Variants in GCFC2 observed in about 807,000 individuals in gnomAD.
GCFC2 encodes the protein GC-rich sequence DNA-binding factor 2, also known as intron Large complex component GCFC2.
Under a neutral mutation model 99.4 loss-of-function variants are expected in GCFC2, and 102 were observed. The ratio of observed to expected loss-of-function variants is 1.03; its 90% confidence interval spans 0.87 to 1.21. The LOEUF (loss-of-function observed/expected upper bound fraction) is 1.21. Among genes scored for constraint, GCFC2 ranks in the 50% most tolerant of loss-of-function variants. The pLI is 0.00. For missense variants in GCFC2, 973 were observed against 920.9 expected (o/e 1.06, Z -0.73); for synonymous variants, 338 against 316.8 (o/e 1.07, Z -0.71).
intron 11 of GCFC2, among the ~76,000 whole-genome samples, chr2:75,685,645 G>A (rs1052033390): frequency 1.3e-5 from 2 of 151,720 alleles, no homozygotes; most frequent in African/African-American, 2.4e-5. Flanking sequence ...TTCTCTTTTC[G>A]GTTTATATTC....
At chr2:75,711,700 G>T (rs532496914), upstream of GCFC2, among the ~76,000 whole-genome samples, 1 of 152,368 alleles carries the variant, frequency 6.6e-6, no homozygotes, top group African/African-American at 2.4e-5. Flanking sequence ...CCCGGGCAGT[G>T]AGGGACTTGG....
chr2:75,675,474 G>A (rs1679291532), intron 12 of GCFC2, among the ~76,000 whole-genome samples: 2 of 152,112 alleles, frequency 1.3e-5, no homozygotes, highest in African/African-American at 2.4e-5. Context: ...CGGTTGCCGT[G>A]GCTCATGCCT....
chr2:75,692,093 T>C lies in GCFC2; in HGVS notation c.1028A>G (p.Asn343Ser), dbSNP rs139346154. The change falls in exon 7 of 17, where the codon AAC becomes AGC. Residue 343 changes from asparagine to serine, a missense_variant. Physicochemically the swap from Asn to Ser is conservative, Grantham distance 46. Transcript: ENST00000321027. ...LIDCLNEKIINIQEIESSMHA... is the reference protein window; with the variant it reads ...LIDCLNEKIISIQEIESSMHA... ...CATGGATGATTCTATTTCTTGGATG[T>C]TGATAATCTGAAATACACATATAAG... 9 of 1,474,362 alleles carry C rather than the reference T, an allele frequency of 6.1e-6. No homozygotes were observed. In the Middle Eastern group the frequency reaches 5.5e-4, roughly 90 times the overall value. The allele number at this position is 1,474,362 out of a possible 1,614,324, so 91.3% of individuals were successfully genotyped here. A position where few individuals can be genotyped will look rare whatever the true frequency, so the allele number is the denominator to read the frequency against.
intron 11 of GCFC2, 90 bp from the exon 12 acceptor site, chr2:75,680,404 C>A: frequency 1.0e-6 from 1 of 976,182 alleles, no homozygotes; most frequent in South Asian, 1.7e-5. Context: ...ACAAACACTA[C>A]TTCCCTCCTT....
At chr2:75,666,733 T>A (rs1678853323) in intron 15 of GCFC2, among the ~76,000 whole-genome samples, 1 of 151,012 alleles carries the variant, frequency 6.6e-6, no homozygotes, top group Non-Finnish European at 1.5e-5. Flanking sequence ...AAAAACTTCC[T>A]CATAGCAGAA....
rs1281105268 is a variant in GCFC2 at position 75,670,234 on chromosome 2, C to A, written c.2007G>T (p.Leu669Phe). The change falls in exon 15 of 17, where the codon TTG (leucine) becomes TTT (phenylalanine). Residue 669 changes from leucine (L) to phenylalanine (F), a missense_variant. Leu to Phe is a conservative substitution (Grantham distance 22, BLOSUM62 0). Transcript: ENST00000321027. The stretch of plus-strand genomic sequence containing the variant: ...GCAGCTTCCCTAGTCCTAGTTCTTG[C>A]AAGGTGTCATCTGTAAGGAGTCCAT... ...LWNGLLTDDT[L>F]QELGLGKLLN... 3 of 1,606,912 alleles carry A rather than the reference C, an allele frequency of 1.9e-6. No homozygotes were observed. The highest frequency in any genetic ancestry group is 2.6e-6 in the Non-Finnish European group (3 of 1,173,646).
chr2:75,673,629 C>G (rs1679221937), intron 12 of GCFC2, 109 bp from the exon 13 acceptor site: 1 of 632,218 alleles, frequency 1.6e-6, no homozygotes, highest in African/African-American at 1.9e-5. Context: ...ACATAACCAG[C>G]TGTTAAAATA....
intron 12 of GCFC2, among the ~76,000 whole-genome samples, chr2:75,676,293 T>C (rs921354464): frequency 1.3e-5 from 2 of 152,190 alleles, no homozygotes; most frequent in African/African-American, 4.8e-5. Flanking sequence ...CATTATCTCC[T>C]GAGGCTGCCC....
upstream of GCFC2, among the ~76,000 whole-genome samples, chr2:75,712,868 T>G (rs897282959): frequency 6.6e-6 from 1 of 152,140 alleles, no homozygotes; most frequent in African/African-American, 2.4e-5. Context: ...AACCCACCAA[T>G]TCCGGACACA....
At chr2:75,674,664 TAGAGTA>T (rs552993379) in intron 12 of GCFC2, among the ~76,000 whole-genome samples, 16 of 152,144 alleles carry the variant, frequency 1.1e-4, no homozygotes, top group South Asian at 2.1e-4. Flanking sequence ...TACTACACAT[TAGAGTA>T]AAAGTTAATT....
chr2:75,678,995 G>A (rs1679459471), intron 12 of GCFC2, among the ~76,000 whole-genome samples: 1 of 152,168 alleles, frequency 6.6e-6, no homozygotes, highest in African/African-American at 2.4e-5. Context: ...CATACCTGGC[G>A]ATCACCCATT....
chr2:75,687,542 G>A (rs1461092225), intron 11 of GCFC2, among the ~76,000 whole-genome samples: 1 of 152,148 alleles, frequency 6.6e-6, no homozygotes, highest in Non-Finnish European at 1.5e-5. Flanking sequence ...GCCAAGTAAA[G>A]ACAGTGTTTC....
At chr2:75,669,245 A>T (rs1030239809) in intron 15 of GCFC2, among the ~76,000 whole-genome samples, 13 of 152,308 alleles carry the variant, frequency 8.5e-5, no homozygotes, top group Non-Finnish European at 1.6e-4. Flanking sequence ...GTTACATGTT[A>T]ACAACTTTTT....
chr2:75,710,608 CG>C lies in GCFC2; in HGVS notation c.247del (p.Arg83AlafsTer88). ...CTGGACACCTGAGCCTTCGTCCGCG[CG>C]GGGAGCCGCTTTGGTGGCACGCCGG... is the stretch of plus-strand genomic sequence containing the variant. ...SSRRATKAAP[R>X]ADEGSESRTL... On this transcript the variant is annotated frameshift_variant, in exon 1 of 17. Coordinates refer to ENST00000321027, the MANE Select transcript of GCFC2 (RefSeq NM_003203.5). LOFTEE classifies it high-confidence loss of function. 6.6e-7 allele frequency: 1 copy of C among 1,514,390 alleles called. No individual in the cohort carries two copies. The highest frequency in any genetic ancestry group is 8.8e-7 in the Non-Finnish European group (1 of 1,138,282). The allele number at this position is 1,514,390 out of a possible 1,614,324, so 93.8% of individuals were successfully genotyped here.
chr2:75,692,134 C>A, intron 6 of GCFC2, 34 bp from the exon 7 acceptor site: 1 of 999,960 alleles, frequency 1.0e-6, no homozygotes, highest in South Asian at 2.2e-5. Context: ...TTTTGCAGGT[C>A]ATCGATAATG....
At chr2:75,697,166 A>G (rs1680365157) in intron 4 of GCFC2, among the ~76,000 whole-genome samples, 1 of 152,218 alleles carries the variant, frequency 6.6e-6, no homozygotes, top group Non-Finnish European at 1.5e-5. Flanking sequence ...TATGTTTCAC[A>G]TTAGTGTCCT....
intron 10 of GCFC2, among the ~76,000 whole-genome samples, chr2:75,688,778 TTAA>T (rs1206495259): frequency 1.0e-4 from 15 of 149,002 alleles, no homozygotes; most frequent in African/African-American, 2.9e-4. Context: ...GATTTTAAAT[TTAA>T]TGTACAAGAA....
chr2:75,705,225 A>C (rs1680790546), intron 2 of GCFC2, among the ~76,000 whole-genome samples: 1 of 152,132 alleles, frequency 6.6e-6, no homozygotes, highest in Non-Finnish European at 1.5e-5. Context: ...TCAGTTCTTA[A>C]TATTGGCTTA....
intron 6 of GCFC2, among the ~76,000 whole-genome samples, chr2:75,693,254 C>G (rs1680168377): frequency 6.6e-6 from 1 of 152,128 alleles, no homozygotes; most frequent in Non-Finnish European, 1.5e-5. Flanking sequence ...GCTTGGGCAA[C>G]ATGGCGAAAC....
Sources: gnomAD v4.1 joint callset for allele counts (sites outside exome capture counted in the v4.1 genomes callset) on GRCh38, gnomAD v4.1.1 for gene constraint, MANE v1.5 for transcripts, NCBI Gene and HGNC (gene_info 2026-07-23, HGNC 2026-07-21) for gene names.